HTR1E: variants seen among roughly 807,000 people sequenced by gnomAD.
HTR1E encodes 5-hydroxytryptamine receptor 1E.
A neutral mutation model predicts 3.4 loss-of-function variants in HTR1E; 3 were observed. The ratio of observed to expected loss-of-function variants is 0.89; its 90% CI spans 0.41 to 2.31. The LOEUF (loss-of-function observed/expected upper bound fraction) is 2.31. Ranked by LOEUF, HTR1E falls within the 30% of genes most tolerant of loss-of-function variation. The pLI is 0.05. For synonymous variants in HTR1E, 170 were observed against 182.8 expected, an observed-to-expected ratio of 0.93 and a Z score of 0.56; for missense variants, 392 against 467.0, an observed-to-expected ratio of 0.84 and a Z score of 1.48.
intron 1 of HTR1E, among the ~76,000 whole-genome samples, chr6:86,989,829 G>C (rs1382049709): frequency 6.6e-6 from 1 of 152,030 alleles, no homozygotes; most frequent in Non-Finnish European, 1.5e-5. Flanking sequence ...ATTTGCAGGA[G>C]GATTCTGTTC....
At chr6:86,948,483 G>A (rs1767157596) in intron 1 of HTR1E, among the ~76,000 whole-genome samples, 1 of 152,012 alleles carries the variant, frequency 6.6e-6, no homozygotes, top group Admixed American at 6.6e-5. Context: ...AAGTCACTAG[G>A]GGGAAATGAG....
At chr6:86,951,131 G>A (rs1767234612) in intron 1 of HTR1E, among the ~76,000 whole-genome samples, 1 of 152,068 alleles carries the variant, frequency 6.6e-6, no homozygotes, top group South Asian at 2.1e-4. Flanking sequence ...ATGATCAAAG[G>A]GCTCATGATG....
intron 1 of HTR1E, among the ~76,000 whole-genome samples, chr6:86,999,117 GC>G (rs1300047485): frequency 2.0e-5 from 3 of 151,936 alleles, no homozygotes; most frequent in African/African-American, 7.3e-5. Context: ...AGGCAACAAC[GC>G]CAGGCTAATT....
intron 1 of HTR1E, among the ~76,000 whole-genome samples, chr6:86,939,433 T>C (rs747198693): frequency 1.3e-5 from 2 of 152,362 alleles, no homozygotes; most frequent in East Asian, 1.9e-4. Flanking sequence ...TCATTGTTGA[T>C]AGAACTTAAC....
chr6:86,956,223 A>G (rs922871542), intron 1 of HTR1E, among the ~76,000 whole-genome samples: 4 of 152,200 alleles, frequency 2.6e-5, no homozygotes, highest in African/African-American at 9.6e-5. Flanking sequence ...TCTACATTCT[A>G]TAAAGAATCC....
At chr6:86,944,947 A>G (rs62440825) in intron 1 of HTR1E, among the ~76,000 whole-genome samples, 10,924 of 149,430 alleles carry the variant, frequency 0.073, 536 homozygotes, top group African/African-American at 0.14. Context: ...TTGATAATAA[A>G]CAACTGTTAC....
At chr6:86,990,064 T>C (rs1044568980) in intron 1 of HTR1E, among the ~76,000 whole-genome samples, 29 of 152,310 alleles carry the variant, frequency 1.9e-4, no homozygotes, top group East Asian at 9.6e-4. Flanking sequence ...GCAGCTTCCA[T>C]GTGTATTCCC....
chr6:86,992,572 C>T (rs549281596), intron 1 of HTR1E, among the ~76,000 whole-genome samples: 6 of 152,210 alleles, frequency 3.9e-5, no homozygotes, highest in South Asian at 2.1e-4. Flanking sequence ...CATTCAAAGA[C>T]GCAAACACGA....
intron 1 of HTR1E, among the ~76,000 whole-genome samples, chr6:86,949,981 A>G (rs960015226): frequency 1.9e-4 from 29 of 152,286 alleles, no homozygotes; most frequent in African/African-American, 6.7e-4. Flanking sequence ...CCCAAATGTA[A>G]ATCAGATTTC....
In HTR1E at chr6:86,938,367, A is replaced by AT. The variant is rs916900627; in HGVS notation, c.-186+552dup. Among the ~76,000 whole-genome samples the AT allele has an allele frequency of 7.8e-4, 119 of 152,192 alleles. 2 individuals carry two copies. Among genetic ancestry groups the AT allele is most frequent in the African/African-American group, 2.6e-3 (106 of 41,524 alleles). ...GGTGTGGAGGTAATGAGGCAGGCTC[A>AT]TTTTTTTTAAAATACAAAATAAATC... On this transcript the variant is annotated intron_variant, in intron 1 of 1. Coordinates refer to ENST00000305344, the MANE Select transcript of HTR1E (RefSeq NM_000865.3).
intron 1 of HTR1E, among the ~76,000 whole-genome samples, chr6:86,944,467 G>A (rs1768587739): frequency 6.6e-6 from 1 of 152,144 alleles, no homozygotes; most frequent in African/African-American, 2.4e-5. Flanking sequence ...CAAAGAATTT[G>A]TAAAATATAA....
chr6:86,938,976 C>T (rs1469374851), intron 1 of HTR1E, among the ~76,000 whole-genome samples: 4 of 152,172 alleles, frequency 2.6e-5, no homozygotes, highest in Admixed American at 6.5e-5. Context: ...CTTAATCCTG[C>T]GCAAGAGAGG....
At chr6:86,979,915 G>A (rs1006319822) in intron 1 of HTR1E, among the ~76,000 whole-genome samples, 2 of 152,076 alleles carry the variant, frequency 1.3e-5, no homozygotes, top group African/African-American at 4.8e-5. Context: ...TAGGTGGAAG[G>A]TTACAGAAAC....
At chr6:86,968,082 T>G (rs548770410) in intron 1 of HTR1E, among the ~76,000 whole-genome samples, 15 of 152,378 alleles carry the variant, frequency 9.8e-5, no homozygotes, top group African/African-American at 3.6e-4. Context: ...TCACACTATG[T>G]TCACTGTTCT....
chr6:86,958,937 CGTGTGTGTGTGT>C (rs55871033), intron 1 of HTR1E, among the ~76,000 whole-genome samples: 3,772 of 140,058 alleles, frequency 0.027, 133 homozygotes, highest in East Asian at 0.15. Context: ...ACCAATTGCA[CGTGTGTGTGTGT>C]GTGTGTGTGT....
At chr6:86,980,265 T>A (rs1489499912) in intron 1 of HTR1E, among the ~76,000 whole-genome samples, 3 of 151,708 alleles carry the variant, frequency 2.0e-5, no homozygotes, top group Non-Finnish European at 2.9e-5. Flanking sequence ...CGGGCGCCTG[T>A]AGTCCCAGCT....
At chr6:86,995,362 G>A (rs1012477165) in intron 1 of HTR1E, among the ~76,000 whole-genome samples, 1 of 145,040 alleles carries the variant, frequency 6.9e-6, no homozygotes, top group African/African-American at 2.5e-5. Flanking sequence ...GATTGGAAGA[G>A]TGGATTAAGA....
intron 1 of HTR1E, among the ~76,000 whole-genome samples, chr6:86,947,147 G>T (rs1768628410): frequency 6.6e-6 from 1 of 152,050 alleles, no homozygotes; most frequent in Non-Finnish European, 1.5e-5. Context: ...AGGTTTCCAT[G>T]TATCTAGTGG....
intron 1 of HTR1E, among the ~76,000 whole-genome samples, chr6:86,966,640 G>C (rs1426636848): frequency 6.6e-6 from 1 of 152,164 alleles, no homozygotes; most frequent in African/African-American, 2.4e-5. Flanking sequence ...GTGTAAGACG[G>C]TGTGGGAGCT....
Sources: gnomAD v4.1 joint callset for allele counts (sites outside exome capture counted in the v4.1 genomes callset) on GRCh38, gnomAD v4.1.1 for gene constraint, MANE v1.5 for transcripts, NCBI Gene and HGNC (gene_info 2026-07-23, HGNC 2026-07-21) for gene names.